Variants in SMYD1 observed in about 807,000 individuals in gnomAD.
SMYD1 encodes SET and MYND domain containing 1.
A neutral mutation model predicts 54.0 loss-of-function variants in SMYD1; 49 were observed. The ratio of observed to expected loss-of-function variants is 0.91; its 90% CI spans 0.72 to 1.15. SMYD1 has a LOEUF of 1.15. Ranked by LOEUF, SMYD1 falls within the 50% of genes most tolerant of loss-of-function variation. The pLI is 0.00. For synonymous variants in SMYD1, 269 were observed against 234.2 expected, an observed-to-expected ratio of 1.15 and a Z score of -1.36; for missense variants, 653 against 639.6, an observed-to-expected ratio of 1.02 and a Z score of -0.23.
At chr2:88,108,292 G>A in intron 8 of SMYD1, 79 bp from the exon 9 acceptor site, 2 of 1,369,136 alleles carry the variant, frequency 1.5e-6, no homozygotes, top group South Asian at 1.8e-5. Context: ...ATCAACAAGG[G>A]CACTTTATAC....
At position 88,112,405 on chromosome 2, in the gene SMYD1, C is replaced by A; in HGVS notation, c.*1893C>A. 1 of 496,314 alleles carries A rather than the reference C, an allele frequency of 2.0e-6. No individual in the cohort carries two copies. The highest frequency in any genetic ancestry group is 2.6e-5 in the South Asian group (1 of 37,836). 30.7% of individuals were successfully genotyped at this position (496,314 alleles called of 1,614,324 possible). A position where few individuals can be genotyped will look rare whatever the true frequency, so the allele number is the denominator to read the frequency against. ...GACCACTGGAATGCAAGTCCTTCTT[C>A]CCTTTGGAATGTACTCTGGATCCCT... On this transcript the variant is annotated 3_prime_UTR_variant, in exon 10 of 10. Transcript: ENST00000419482.
intron 6 of SMYD1, 123 bp from the exon 7 acceptor site, chr2:88,102,935 G>GCATTCTGAATGCCT: frequency 1.5e-6 from 1 of 685,324 alleles, no homozygotes; most frequent in South Asian, 1.7e-5. Context: ...CAGGAATGAG[G>GCATTCTGAATGCCT]CATTCAGAAT....
chr2:88,104,847 C>A (rs936012867), intron 7 of SMYD1, among the ~76,000 whole-genome samples: 3 of 152,346 alleles, frequency 2.0e-5, no homozygotes, highest in Middle Eastern at 3.4e-3. Flanking sequence ...TATGTCTGTA[C>A]AAGAGTCAGT....
chr2:88,097,339 G>A (rs1437268223), intron 6 of SMYD1, among the ~76,000 whole-genome samples: 1 of 152,194 alleles, frequency 6.6e-6, no homozygotes, highest in East Asian at 1.9e-4. Context: ...AGCAGAGGAA[G>A]GCTTGCTGAG....
At position 88,090,892 on chromosome 2, in the gene SMYD1, A is replaced by G. The variant is rs1429050682; in HGVS notation, c.529-120A>G. 1.2e-5 allele frequency: 13 copies of G among 1,116,160 alleles called. No homozygotes were observed. The Admixed American group carries it at 2.8e-4, about 24-fold the overall frequency. 69.1% of individuals were successfully genotyped at this position (1,116,160 alleles called of 1,614,324 possible). A position where few individuals can be genotyped will look rare whatever the true frequency, so the allele number is the denominator to read the frequency against. Reference sequence around the variant, plus strand: ...AGGAGACTAATTGTTCTGTGTCCAGACTCCCTAAGCATCTCCAGGGTGAGA... The same window carrying G: ...AGGAGACTAATTGTTCTGTGTCCAGGCTCCCTAAGCATCTCCAGGGTGAGA... On this transcript the variant is annotated intron_variant, in intron 3 of 9. Transcript: ENST00000419482.
chr2:88,084,107 T>A (rs946308453), intron 1 of SMYD1, among the ~76,000 whole-genome samples: 1 of 151,516 alleles, frequency 6.6e-6, no homozygotes, highest in East Asian at 1.9e-4. Context: ...TGAAACTCTG[T>A]CTCAAAAAAA....
chr2:88,096,387 T>C (rs1042336605), intron 5 of SMYD1, among the ~76,000 whole-genome samples: 1 of 152,214 alleles, frequency 6.6e-6, no homozygotes, highest in African/African-American at 2.4e-5. Flanking sequence ...CTGAATGGAA[T>C]GGATCAGACG....
At chr2:88,097,956 T>C (rs1674632213) in intron 6 of SMYD1, among the ~76,000 whole-genome samples, 1 of 152,178 alleles carries the variant, frequency 6.6e-6, no homozygotes, top group Admixed American at 6.5e-5. Flanking sequence ...TCCAAGGATT[T>C]ATGTTTTCTA....
In SMYD1 at chr2:88,072,455, C is replaced by G. The variant is rs139858712; in HGVS notation, c.137+4454C>G. On this transcript the variant is annotated intron_variant, in intron 1 of 9. Transcript: ENST00000419482. ...CGTGAGCCACTGCGCCTGGCAGAAA[C>G]ACTACATTAAATATATGCTTTGATT... Among the ~76,000 whole-genome samples, 238 of 152,298 alleles carry G rather than the reference C, an allele frequency of 1.6e-3. 1 individual carries two copies. Among genetic ancestry groups the G allele is most frequent in the African/African-American group, 5.5e-3 (227 of 41,576 alleles).
intron 1 of SMYD1, among the ~76,000 whole-genome samples, chr2:88,076,541 C>T (rs1674069916): frequency 6.6e-6 from 1 of 152,082 alleles, no homozygotes; most frequent in Non-Finnish European, 1.5e-5. Flanking sequence ...TCTTTTAAGG[C>T]CCTCTATTAC....
intron 6 of SMYD1, 142 bp from the exon 7 acceptor site, chr2:88,102,916 T>C (rs1045417936): frequency 3.2e-6 from 2 of 627,204 alleles, no homozygotes; most frequent in African/African-American, 1.8e-5. Context: ...GGATCTTGGG[T>C]AGCATTTACA....
At chr2:88,108,732 T>C (rs1674943772) in intron 9 of SMYD1, among the ~76,000 whole-genome samples, 193 bp downstream of exon 9, 1 of 152,180 alleles carries the variant, frequency 6.6e-6, no homozygotes, top group Non-Finnish European at 1.5e-5. Flanking sequence ...TACCTGAGAC[T>C]GGGTAATTTA....
Position 88,087,166 on chromosome 2 carries a change from A to T in SMYD1, c.315-696A>T, listed in dbSNP as rs548302419. Among the ~76,000 whole-genome samples the T allele has an allele frequency of 2.6e-4, 40 of 151,092 alleles. 1 individual carries two copies. The highest frequency in any genetic ancestry group is 6.6e-4 in the Admixed American group (10 of 15,162). On this transcript the variant is annotated intron_variant, in intron 2 of 9. Coordinates refer to ENST00000419482, the MANE Select transcript of SMYD1 (RefSeq NM_198274.4). The stretch of plus-strand genomic sequence containing the variant: ...CACTTTGTCTTCTGAATACCTCTGG[A>T]GGTTAGCATAGCAGGGACTATTTTC...
Position 88,108,354 on chromosome 2 carries a change from C to G in SMYD1, c.1146-17C>G. 1.9e-6 allele frequency: 3 copies of G among 1,550,616 alleles called. No individual in the cohort carries two copies. Among genetic ancestry groups the G allele is most frequent in the Non-Finnish European group, 2.6e-6 (3 of 1,151,698 alleles). Reference sequence around the variant, plus strand: ...GGTGATTGGTATGATGTATAATTATCTGCTATGCTCCCACAGGAAGCTCTA... The same window carrying G: ...GGTGATTGGTATGATGTATAATTATGTGCTATGCTCCCACAGGAAGCTCTA... On this transcript the variant is annotated splice_polypyrimidine_tract_variant and intron_variant, in intron 8 of 9. Coordinates refer to ENST00000419482, the MANE Select transcript of SMYD1 (RefSeq NM_198274.4).
At chr2:88,079,345 C>G (rs1166234033) in intron 1 of SMYD1, among the ~76,000 whole-genome samples, 3 of 152,186 alleles carry the variant, frequency 2.0e-5, no homozygotes, top group African/African-American at 7.2e-5. Flanking sequence ...ATTCTATAAT[C>G]AGGCCCTATT....
chr2:88,109,967 T>C (rs2919863), intron 9 of SMYD1, among the ~76,000 whole-genome samples: 106,685 of 152,028 alleles, frequency 0.7, 37,527 homozygotes, highest in South Asian at 0.79. Context: ...CGGTAAGGTA[T>C]GAAGCCACAA....
chr2:88,092,713 T>C (rs1210631929), intron 4 of SMYD1, among the ~76,000 whole-genome samples: 1 of 152,222 alleles, frequency 6.6e-6, no homozygotes, highest in Admixed American at 6.5e-5. Context: ...CTGGCCTGGA[T>C]CTCATGGAAT....
At chr2:88,090,375 G>A (rs568228623) in intron 3 of SMYD1, among the ~76,000 whole-genome samples, 24 of 152,262 alleles carry the variant, frequency 1.6e-4, no homozygotes, top group Admixed American at 9.8e-4. Flanking sequence ...GATATTTGGT[G>A]TCTGTTTCTG....
At chr2:88,103,585 T>C (rs1674777188) in intron 7 of SMYD1, among the ~76,000 whole-genome samples, 1 of 152,132 alleles carries the variant, frequency 6.6e-6, no homozygotes, top group South Asian at 2.1e-4. Context: ...CCAGGGATTC[T>C]CAGCTGGCTC....
Sources: gnomAD v4.1 joint callset for allele counts (sites outside exome capture counted in the v4.1 genomes callset) on GRCh38, gnomAD v4.1.1 for gene constraint, MANE v1.5 for transcripts, NCBI Gene and HGNC (gene_info 2026-07-23, HGNC 2026-07-21) for gene names.